Variants in MAML3 observed in about 807,000 individuals in gnomAD.
MAML3 encodes the protein mastermind-like protein 3.
MAML3 carries 27 observed loss-of-function variants against 101.9 expected under a neutral mutation model. The ratio of observed to expected loss-of-function variants is 0.27; its 90% confidence interval spans 0.20 to 0.37. The LOEUF is 0.37. Among genes scored for constraint, MAML3 ranks in the 10% least tolerant of loss-of-function variants. The pLI, the probability that MAML3 is intolerant of heterozygous loss-of-function variation, is 1.00. For synonymous variants in MAML3, 501 were observed against 555.9 expected, an observed-to-expected ratio of 0.90 and a Z score of 1.39; for missense variants, 1,316 against 1,444.9, an observed-to-expected ratio of 0.91 and a Z score of 1.45.
At chr4:139,963,809 A>G (rs1734073125) in intron 1 of MAML3, among the ~76,000 whole-genome samples, 1 of 152,212 alleles carries the variant, frequency 6.6e-6, no homozygotes, top group Admixed American at 6.5e-5. Flanking sequence ...TAGAACTAGT[A>G]ATATTTTGAG....
intron 2 of MAML3, among the ~76,000 whole-genome samples, chr4:139,869,588 A>G (rs1731961915): frequency 6.6e-6 from 1 of 152,238 alleles, no homozygotes; most frequent in Admixed American, 6.5e-5. Flanking sequence ...ATCAAAAGGC[A>G]TGCAGACAAG....
chr4:140,064,969 C>A (rs1727507195), intron 1 of MAML3, among the ~76,000 whole-genome samples: 1 of 152,178 alleles, frequency 6.6e-6, no homozygotes, highest in Non-Finnish European at 1.5e-5. Flanking sequence ...AATGAAGATT[C>A]TTTCACCCAA....
chr4:140,146,903 AG>A (rs1729073324), intron 1 of MAML3, among the ~76,000 whole-genome samples: 1 of 151,824 alleles, frequency 6.6e-6, no homozygotes, highest in Non-Finnish European at 1.5e-5. Flanking sequence ...TGGGAGGCTG[AG>A]GTGGGCAGAT....
Position 139,717,364 on chromosome 4 carries a change from C to T in MAML3, c.*1959G>A, listed in dbSNP as rs1728020654. ...AAAAGGTAATTATGTTTTGTGTCTTCTCATTTGTTTGTTTGCTTTTTTTTG... is the reference window on the plus strand; with the variant it reads ...AAAAGGTAATTATGTTTTGTGTCTTTTCATTTGTTTGTTTGCTTTTTTTTG... On this transcript the variant is annotated 3_prime_UTR_variant, in exon 5 of 5. Coordinates refer to ENST00000509479, the MANE Select transcript of MAML3 (RefSeq NM_018717.5). 1 of 152,474 alleles carries T rather than the reference C, an allele frequency of 6.6e-6. No homozygotes were observed. The highest frequency in any genetic ancestry group is 6.6e-5 in the Admixed American group (1 of 15,264). 9.4% of individuals were successfully genotyped at this position (152,474 alleles called of 1,614,324 possible).
chr4:140,143,669 G>A (rs1729011576), intron 1 of MAML3, among the ~76,000 whole-genome samples: 1 of 152,182 alleles, frequency 6.6e-6, no homozygotes, highest in South Asian at 2.1e-4. Flanking sequence ...GCTGAGGCAG[G>A]AGAATCGCTT....
chr4:140,078,618 G>C (rs1727814280), intron 1 of MAML3, among the ~76,000 whole-genome samples: 1 of 152,160 alleles, frequency 6.6e-6, no homozygotes, highest in Non-Finnish European at 1.5e-5. Flanking sequence ...TGTGCCTTCA[G>C]AACAACAGTA....
chr4:139,908,272 T>C (rs1210955275), intron 1 of MAML3, among the ~76,000 whole-genome samples: 1 of 152,236 alleles, frequency 6.6e-6, no homozygotes, highest in Non-Finnish European at 1.5e-5. Context: ...TTCTAAAATA[T>C]GTAACTAATT....
intron 1 of MAML3, among the ~76,000 whole-genome samples, chr4:139,965,329 C>T (rs1734108945): frequency 6.6e-6 from 1 of 151,794 alleles, no homozygotes; most frequent in African/African-American, 2.4e-5. Flanking sequence ...GAGAGTTGAA[C>T]CTTTCCATTT....
At chr4:139,861,477 ATGTGTGTG>A (rs55851938) in intron 2 of MAML3, among the ~76,000 whole-genome samples, 7 of 146,494 alleles carry the variant, frequency 4.8e-5, no homozygotes, top group South Asian at 4.5e-4. Context: ...TAACCAGCCG[ATGTGTGTG>A]TGTGTGTGTG....
At chr4:140,136,457 G>A (rs1246961164) in intron 1 of MAML3, among the ~76,000 whole-genome samples, 2 of 152,094 alleles carry the variant, frequency 1.3e-5, no homozygotes, top group Non-Finnish European at 1.5e-5. Flanking sequence ...AAATAATGGC[G>A]ATACTGGAGC....
chr4:140,096,838 T>G (rs1728173093), intron 1 of MAML3, among the ~76,000 whole-genome samples: 1 of 152,150 alleles, frequency 6.6e-6, no homozygotes, highest in Non-Finnish European at 1.5e-5. Context: ...TGTGCAATAT[T>G]TTCTACCTGC....
At chr4:139,852,527 C>T (rs1194878263) in intron 2 of MAML3, among the ~76,000 whole-genome samples, 1 of 147,708 alleles carries the variant, frequency 6.8e-6, no homozygotes, top group African/African-American at 2.5e-5. Flanking sequence ...ATTCTTCTGA[C>T]TCAGCCTCCA....
intron 1 of MAML3, among the ~76,000 whole-genome samples, chr4:140,064,605 G>GT (rs1727500191): frequency 6.6e-6 from 1 of 152,152 alleles, no homozygotes; most frequent in Admixed American, 6.6e-5. Flanking sequence ...TGGGCTTCTA[G>GT]TTCCCAGCAG....
At chr4:139,952,922 C>T (rs773745650) in intron 1 of MAML3, among the ~76,000 whole-genome samples, 34 of 152,164 alleles carry the variant, frequency 2.2e-4, no homozygotes, top group Admixed American at 1.5e-3. Flanking sequence ...AAGGAGCTCG[C>T]TGCCTGTCCA....
At chr4:139,797,354 G>T (rs780824828) in intron 2 of MAML3, among the ~76,000 whole-genome samples, 1 of 152,200 alleles carries the variant, frequency 6.6e-6, no homozygotes, top group Non-Finnish European at 1.5e-5. Context: ...AGAGGCCACA[G>T]TTAGGATCAT....
At chr4:139,730,134 GAAGGA>G in intron 3 of MAML3, 1 of 507,740 alleles carries the variant, frequency 2.0e-6, no homozygotes, top group Non-Finnish European at 3.6e-6. Flanking sequence ...CCAGAAATCA[GAAGGA>G]AAGGAGTCAG....
At chr4:139,904,761 A>ATGGAGCG (rs138866636) in intron 1 of MAML3, among the ~76,000 whole-genome samples, 1 of 151,646 alleles carries the variant, frequency 6.6e-6, no homozygotes, top group South Asian at 2.1e-4. Context: ...TGTGAACATC[A>ATGGAGCG]TATTCACACA....
At chr4:139,751,317 T>A (rs2111040568) in intron 2 of MAML3, among the ~76,000 whole-genome samples, 1 of 152,340 alleles carries the variant, frequency 6.6e-6, no homozygotes. Flanking sequence ...ATTACGAATT[T>A]CTTGGGATTT....
rs1389622205 is a variant in MAML3 at position 139,957,290 on chromosome 4, C to G, written c.469-66323G>C. 3.9e-5 allele frequency among the ~76,000 whole-genome samples: 6 copies of G among 152,324 alleles called. No homozygotes were observed. In the East Asian group the frequency reaches 1.2e-3, roughly 29 times the overall value. ...TTACTCCATTTTACAGGTGACGAAG[C>G]AGAGGCTCAGAGAGGTTGATTAACT... On this transcript the variant is annotated intron_variant, in intron 1 of 4. Coordinates refer to ENST00000509479, the MANE Select transcript of MAML3 (RefSeq NM_018717.5).
Sources: allele counts gnomAD v4.1 joint callset (sites outside exome capture counted in the v4.1 genomes callset), GRCh38; gene constraint gnomAD v4.1.1; transcripts MANE v1.5; gene names NCBI Gene and HGNC (gene_info 2026-07-23, HGNC 2026-07-21).